The following GPC5 variants were observed in gnomAD, a reference collection of about 807,000 sequenced individuals.
GPC5 encodes glypican 5, also known as glypican-5.
A neutral mutation model predicts 53.9 loss-of-function variants in GPC5; 47 were observed. The ratio of observed to expected loss-of-function variants is 0.87; its 90% CI spans 0.69 to 1.11. The LOEUF is 1.11. Ranked by LOEUF, GPC5 falls within the 50% of genes most tolerant of loss-of-function variation. The probability of loss-of-function intolerance (pLI) is 0.00; values close to 1 mark genes in which losing one functional copy is unlikely to be tolerated. For synonymous variants in GPC5, 286 were observed against 263.3 expected (o/e 1.09, Z -0.84); for missense variants, 748 against 713.1 (o/e 1.05, Z -0.56).
At chr13:92,738,630 G>A (rs930647452) in intron 7 of GPC5, among the ~76,000 whole-genome samples, 3 of 152,026 alleles carry the variant, frequency 2.0e-5, no homozygotes, top group African/African-American at 7.2e-5. Context: ...GCTTTTTGTT[G>A]ATAAGACCAA....
At chr13:92,431,603 A>G (rs1441392135) in intron 7 of GPC5, among the ~76,000 whole-genome samples, 1 of 152,138 alleles carries the variant, frequency 6.6e-6, no homozygotes, top group African/African-American at 2.4e-5. Context: ...ATGGGATGAA[A>G]TAGATTGTCT....
At chr13:92,807,799 C>T (rs973298007) in intron 7 of GPC5, among the ~76,000 whole-genome samples, 2 of 152,034 alleles carry the variant, frequency 1.3e-5, no homozygotes, top group South Asian at 2.1e-4. Context: ...GCGACTGACA[C>T]GCTTTAAAGG....
intron 7 of GPC5, among the ~76,000 whole-genome samples, chr13:92,629,799 C>T (rs1467376164): frequency 2.0e-5 from 3 of 150,062 alleles, no homozygotes; most frequent in Non-Finnish European, 4.4e-5. Context: ...GTCATGAGTA[C>T]AAAAAAAAAT....
chr13:92,051,593 G>A (rs866662903), intron 6 of GPC5, among the ~76,000 whole-genome samples: 2 of 152,064 alleles, frequency 1.3e-5, no homozygotes, highest in African/African-American at 4.8e-5. Flanking sequence ...TTTTTGACTC[G>A]TCAGTATCAC....
At chr13:92,605,133 GA>G (rs1456833024) in intron 7 of GPC5, among the ~76,000 whole-genome samples, 1 of 152,150 alleles carries the variant, frequency 6.6e-6, no homozygotes, top group East Asian at 1.9e-4. Context: ...AAACCAATTA[GA>G]AATCTGTGAT....
At chr13:92,437,560 G>A (rs7327184) in intron 7 of GPC5, among the ~76,000 whole-genome samples, 33,354 of 151,908 alleles carry the variant, frequency 0.22, 4,685 homozygotes, top group East Asian at 0.59. Flanking sequence ...TTATAGTTGC[G>A]TTAAATTCAA....
chr13:92,716,922 A>G (rs1209433565), intron 7 of GPC5, among the ~76,000 whole-genome samples: 1 of 152,150 alleles, frequency 6.6e-6, no homozygotes, highest in South Asian at 2.1e-4. Flanking sequence ...TGACAGCCCT[A>G]CAGAGGGCAG....
intron 5 of GPC5, among the ~76,000 whole-genome samples, chr13:91,870,615 C>T (rs2039133701): frequency 6.6e-6 from 1 of 152,126 alleles, no homozygotes; most frequent in Non-Finnish European, 1.5e-5. Flanking sequence ...GAGTAACATC[C>T]CTCATCAACT....
At position 91,962,043 on chromosome 13, in the gene GPC5, A is replaced by G. The variant is rs139413602; in HGVS notation, c.1401+53986A>G. On this transcript the variant is annotated intron_variant, in intron 6 of 7. Coordinates refer to ENST00000377067, the MANE Select transcript of GPC5 (RefSeq NM_004466.6). ...GATTCATAAAAGAGATTACCTTTGA[A>G]AACTATGGAGGATGTTCTTCATATG... Among the ~76,000 whole-genome samples, 23 of 152,308 alleles carry G rather than the reference A, an allele frequency of 1.5e-4. No homozygotes were observed. In the East Asian group the frequency reaches 4.4e-3, roughly 29 times the overall value.
At chr13:91,487,201 G>T (rs927959482) in intron 2 of GPC5, among the ~76,000 whole-genome samples, 1 of 152,138 alleles carries the variant, frequency 6.6e-6, no homozygotes, top group African/African-American at 2.4e-5. Context: ...GGGAAGTCAC[G>T]GGTGTGATTA....
At chr13:92,861,108 C>T (rs2138855278) in intron 7 of GPC5, among the ~76,000 whole-genome samples, 1 of 152,104 alleles carries the variant, frequency 6.6e-6, no homozygotes, top group Non-Finnish European at 1.5e-5. Context: ...TATCAAAATA[C>T]ATTTTTCTGT....
chr13:92,141,764 T>C (rs1478852180), intron 6 of GPC5, among the ~76,000 whole-genome samples: 1 of 152,128 alleles, frequency 6.6e-6, no homozygotes, highest in Non-Finnish European at 1.5e-5. Flanking sequence ...CTTGACTCAG[T>C]TTGGGAGCTG....
chr13:92,184,265 T>C (rs1396102070), intron 7 of GPC5, among the ~76,000 whole-genome samples: 1 of 152,152 alleles, frequency 6.6e-6, no homozygotes, highest in Admixed American at 6.5e-5. Context: ...GAGTATAAAT[T>C]TGAATATCAA....
intron 6 of GPC5, among the ~76,000 whole-genome samples, chr13:92,020,835 T>C (rs1482851153): frequency 6.6e-6 from 1 of 152,148 alleles, no homozygotes; most frequent in African/African-American, 2.4e-5. Flanking sequence ...ATTTTTAATT[T>C]GTTACAATCC....
intron 3 of GPC5, among the ~76,000 whole-genome samples, chr13:91,726,190 T>G (rs894171540): frequency 6.6e-6 from 1 of 152,224 alleles, no homozygotes; most frequent in Non-Finnish European, 1.5e-5. Context: ...TCCTTATGCT[T>G]CTTTTACTTC....
chr13:91,513,859 C>G (rs900497091), intron 2 of GPC5, among the ~76,000 whole-genome samples: 1 of 152,166 alleles, frequency 6.6e-6, no homozygotes, highest in East Asian at 1.9e-4. Context: ...AAAACACTGA[C>G]TTGTTCTTTA....
chr13:91,541,671 T>C (rs866534381), intron 2 of GPC5, among the ~76,000 whole-genome samples: 2 of 152,132 alleles, frequency 1.3e-5, no homozygotes, highest in Admixed American at 6.5e-5. Context: ...AGGTAGTTTG[T>C]TAAATTCATG....
rs1400377433 is a variant in GPC5, at chr13:92,042,287, G to A, written c.1402-102543G>A. ...TAGTCAGAGAACCATCAAGCTACTA[G>A]CTACTGATCCTTGATGACAGGTGGG... On this transcript the variant is annotated intron_variant, in intron 6 of 7. Coordinates refer to ENST00000377067, the MANE Select transcript of GPC5 (RefSeq NM_004466.6). Among the ~76,000 whole-genome samples, 4 of 152,112 alleles carry A rather than the reference G, an allele frequency of 2.6e-5. No homozygotes were observed. The East Asian group carries it at 7.7e-4, about 29-fold the overall frequency.
chr13:92,226,787 A>C (rs2042490073), intron 7 of GPC5, among the ~76,000 whole-genome samples: 1 of 151,266 alleles, frequency 6.6e-6, no homozygotes, highest in African/African-American at 2.4e-5. Flanking sequence ...TTTAGTAGAG[A>C]TGGGTTTTCA....
Sources: allele counts gnomAD v4.1 joint callset (sites outside exome capture counted in the v4.1 genomes callset), GRCh38; gene constraint gnomAD v4.1.1; transcripts MANE v1.5; gene names NCBI Gene and HGNC (gene_info 2026-07-23, HGNC 2026-07-21).